Variants in WDR72 observed in about 807,000 individuals in gnomAD.
WDR72 encodes WD repeat-containing protein 72.
Under a neutral mutation model 124.2 loss-of-function variants are expected in WDR72, and 120 were observed. That is an observed-to-expected ratio of 0.97 (90% CI 0.83 to 1.12). The LOEUF is 1.12. Among genes scored for constraint, WDR72 ranks in the 50% most tolerant of loss-of-function variants. The pLI is 0.00. For synonymous variants in WDR72, 452 were observed against 441.7 expected, an observed-to-expected ratio of 1.02 and a Z score of -0.29; for missense variants, 1,387 against 1,278.8, an observed-to-expected ratio of 1.08 and a Z score of -1.29.
intron 13 of WDR72, among the ~76,000 whole-genome samples, chr15:53,697,878 C>A (rs6493642): frequency 1.3e-5 from 2 of 151,872 alleles, no homozygotes; most frequent in Non-Finnish European, 2.9e-5. Flanking sequence ...GCGCGATCTC[C>A]GCTCACTGCA....
In WDR72 at chr15:53,665,737, T is replaced by C. The variant is rs1474808374; in HGVS notation, c.1797A>G (p.Arg599=). The change falls in exon 14 of 20, where the codon AGA becomes AGG. Residue 599 remains arginine, a synonymous_variant. Coordinates refer to ENST00000360509, the MANE Select transcript of WDR72 (RefSeq NM_182758.4). ...CACAACAATTAAGAATAATTCGTGC[T>C]CTTTCTCCTGTCTCATGTCTTTCCA... The part of the protein sequence containing the change: ...GTLERHETGE[R]ARIILNCCDD... 1 of 1,613,902 alleles carries C rather than the reference T, an allele frequency of 6.2e-7. No individual in the cohort carries two copies. The highest frequency in any genetic ancestry group is 8.5e-7 in the Non-Finnish European group (1 of 1,179,864).
chr15:53,729,622 G>T (rs2018141908), intron 2 of WDR72, among the ~76,000 whole-genome samples: 2 of 151,984 alleles, frequency 1.3e-5, no homozygotes, highest in African/African-American at 4.8e-5. Context: ...ACTTTTACCA[G>T]TTCCCTTAAG....
At chr15:53,585,154 C>T (rs1008060335) in intron 18 of WDR72, among the ~76,000 whole-genome samples, 5 of 151,738 alleles carry the variant, frequency 3.3e-5, no homozygotes, top group African/African-American at 7.3e-5. Context: ...AAGAAATACC[C>T]GAGACTGGGT....
At chr15:53,756,879 T>C (rs2018922612) in intron 1 of WDR72, 1 of 152,142 alleles carries the variant, frequency 6.6e-6, no homozygotes, top group South Asian at 2.1e-4. Context: ...TGCACTATGC[T>C]GGTTAGGTGG....
intron 18 of WDR72, among the ~76,000 whole-genome samples, chr15:53,537,030 T>C (rs890719301): frequency 6.6e-6 from 1 of 152,208 alleles, no homozygotes; most frequent in Non-Finnish European, 1.5e-5. Flanking sequence ...CCTTTTTTCT[T>C]AATGAAAAAC....
At chr15:53,669,423 C>T (rs1022058171) in intron 13 of WDR72, among the ~76,000 whole-genome samples, 1 of 152,140 alleles carries the variant, frequency 6.6e-6, no homozygotes, top group African/African-American at 2.4e-5. Flanking sequence ...CAAGCTATCT[C>T]AAGTTCTAGG....
rs575848989 is a variant in WDR72, at chr15:53,621,635, CAG to C, written c.1963-5394_1963-5393del. 3.8e-4 allele frequency among the ~76,000 whole-genome samples: 58 copies of C among 151,800 alleles called. 1 individual carries two copies. The South Asian group carries it at 5.8e-3, about 15-fold the overall frequency. The stretch of plus-strand genomic sequence containing the variant: ...AATGACACAATAAACTTTGGGGACA[CAG>C]GGGGAAAAGGTGGGAAGGGGATGAC... On this transcript the variant is annotated intron_variant, in intron 14 of 19. Coordinates refer to ENST00000360509, the MANE Select transcript of WDR72 (RefSeq NM_182758.4).
chr15:53,751,793 G>C (rs912478748), intron 1 of WDR72, among the ~76,000 whole-genome samples: 5 of 152,150 alleles, frequency 3.3e-5, no homozygotes, highest in Admixed American at 3.3e-4. Flanking sequence ...AGGCCCTCCA[G>C]TCAGTGAGCC....
intron 18 of WDR72, among the ~76,000 whole-genome samples, chr15:53,543,483 G>T (rs886497787): frequency 6.6e-6 from 1 of 151,376 alleles, no homozygotes; most frequent in Non-Finnish European, 1.5e-5. Flanking sequence ...TCTCTGGGAC[G>T]CATTCAAAGC....
At chr15:53,753,205 T>C (rs996575405) in intron 1 of WDR72, among the ~76,000 whole-genome samples, 20 of 152,216 alleles carry the variant, frequency 1.3e-4, no homozygotes, top group Non-Finnish European at 2.1e-4. Context: ...CAAGTTGACA[T>C]TGGAAGTCAG....
At chr15:53,759,372 G>T (rs1287016035) in intron 1 of WDR72, 1 of 152,230 alleles carries the variant, frequency 6.6e-6, no homozygotes, top group African/African-American at 2.4e-5. Context: ...GTTCACTCCT[G>T]ATGCCACATC....
chr15:53,551,709 G>A (rs891623090), intron 18 of WDR72, among the ~76,000 whole-genome samples: 4 of 152,086 alleles, frequency 2.6e-5, no homozygotes, highest in Admixed American at 2.0e-4. Context: ...ACATAAGATG[G>A]TCTAGATAAA....
rs1029254751 is a variant in WDR72, at chr15:53,514,889, C to G, written c.*2810G>C. ...TGCCGAGGAGCCTCTGCTTTTAACC[C>G]TCCAGGCTTTCCAGGTACTTTTTCC... is the stretch of plus-strand genomic sequence containing the variant. On this transcript the variant is annotated 3_prime_UTR_variant, in exon 20 of 20. Coordinates refer to ENST00000360509, the MANE Select transcript of WDR72 (RefSeq NM_182758.4). The G allele has an allele frequency of 6.6e-5, 10 of 151,688 alleles. No individual in the cohort carries two copies. Among genetic ancestry groups the G allele is most frequent in the African/African-American group, 1.9e-4 (8 of 41,300 alleles). 9.4% of individuals were successfully genotyped at this position (151,688 alleles called of 1,614,324 possible). A position where few individuals can be genotyped will look rare whatever the true frequency, so the allele number is the denominator to read the frequency against.
At chr15:53,650,192 G>C (rs1433594604) in intron 14 of WDR72, among the ~76,000 whole-genome samples, 2 of 152,114 alleles carry the variant, frequency 1.3e-5, no homozygotes, top group Non-Finnish European at 2.9e-5. Context: ...GTCACAGAAA[G>C]ACAAATATTG....
chr15:53,736,824 G>A (rs146737707), intron 1 of WDR72, among the ~76,000 whole-genome samples: 30 of 152,146 alleles, frequency 2.0e-4, no homozygotes, highest in African/African-American at 7.2e-4. Context: ...ACAGGAAATT[G>A]GTTACATAAC....
At chr15:53,523,446 C>T in intron 18 of WDR72, 124 bp from the exon 19 acceptor site, 1 of 878,096 alleles carries the variant, frequency 1.1e-6, no homozygotes, top group Non-Finnish European at 1.8e-6. Context: ...TATGTAAACA[C>T]AAATAATAAA....
chr15:53,757,640 C>A (rs553694367), intron 1 of WDR72, among the ~76,000 whole-genome samples: 40 of 132,884 alleles, frequency 3.0e-4, no homozygotes, highest in South Asian at 7.8e-4. Context: ...ACAACAACAA[C>A]AAAAAATTAA....
intron 18 of WDR72, among the ~76,000 whole-genome samples, chr15:53,538,514 A>T (rs1892882209): frequency 6.6e-6 from 1 of 152,192 alleles, no homozygotes; most frequent in Admixed American, 6.5e-5. Context: ...CTTGTTATTA[A>T]CATTCTTCTT....
At chr15:53,596,368 C>T (rs1266532556) in intron 18 of WDR72, among the ~76,000 whole-genome samples, 1 of 152,042 alleles carries the variant, frequency 6.6e-6, no homozygotes, top group Non-Finnish European at 1.5e-5. Flanking sequence ...GAACATTTTA[C>T]AACATAAATT....
Sources: gnomAD v4.1 joint callset for allele counts (sites outside exome capture counted in the v4.1 genomes callset) on GRCh38, gnomAD v4.1.1 for gene constraint, MANE v1.5 for transcripts, NCBI Gene and HGNC (gene_info 2026-07-23, HGNC 2026-07-21) for gene names.